The following TANC2 variants were observed in gnomAD, a reference collection of about 807,000 sequenced individuals.
The protein encoded by TANC2 is tetratricopeptide repeat, ankyrin repeat and coiled-coil containing 2.
A neutral mutation model predicts 210.5 loss-of-function variants in TANC2; 26 were observed. The observed-to-expected ratio is 0.12, with a 90% CI of 0.09 to 0.17. The LOEUF is 0.17. Among genes scored for constraint, TANC2 ranks in the 10% least tolerant of loss-of-function variants. TANC2 has a pLI of 1.00. For synonymous variants in TANC2, 931 were observed against 967.1 expected (o/e 0.96, Z 0.69); for missense variants, 2,129 against 2,608.9 (o/e 0.82, Z 4.01).
chr17:63,120,649 CA>C, intron 4 of TANC2: 1 of 151,474 alleles, frequency 6.6e-6, no homozygotes, highest in Non-Finnish European at 1.5e-5. Context: ...CCTGTCTTTA[CA>C]AAAAATACAA....
chr17:62,984,942 C>A (rs2032495283), intron 1 of TANC2, among the ~76,000 whole-genome samples: 1 of 152,102 alleles, frequency 6.6e-6, no homozygotes, highest in Non-Finnish European at 1.5e-5. Flanking sequence ...TTGGGTGAAA[C>A]ACTCTTAAGT....
chr17:63,426,987 A>G (rs1568016466), exon 28 of TANC2: 1 of 151,818 alleles, frequency 6.6e-6, no homozygotes, highest in Admixed American at 6.6e-5. Flanking sequence ...GGGGAAAAAA[A>G]AAGTTAAGAG....
At position 63,074,034 on chromosome 17, in the gene TANC2, A is replaced by T; in HGVS notation, c.139+20A>T. The T allele has an allele frequency of 1.0e-5, 16 of 1,545,824 alleles. No individual in the cohort carries two copies. Among genetic ancestry groups the T allele is most frequent in the Non-Finnish European group, 1.3e-5 (15 of 1,144,380 alleles). On this transcript the variant is annotated intron_variant, in intron 3 of 27. Coordinates refer to ENST00000689528, the Ensembl canonical transcript of TANC2. The stretch of plus-strand genomic sequence containing the variant: ...GGCAAGGTAAATTTTCATCAGATTG[A>T]TTATTAAATTTCAAAAAATAACGAT...
intron 4 of TANC2, among the ~76,000 whole-genome samples, chr17:63,099,940 TG>T (rs1170272431): frequency 6.6e-6 from 1 of 152,298 alleles, no homozygotes; most frequent in Non-Finnish European, 1.5e-5. Flanking sequence ...TGTGAAACTG[TG>T]GCTTTATTAA....
At chr17:63,410,344 C>T (rs887971564) in intron 21 of TANC2, among the ~76,000 whole-genome samples, 3 of 142,574 alleles carry the variant, frequency 2.1e-5, no homozygotes, top group Non-Finnish European at 4.5e-5. Context: ...CAATCCCCCC[C>T]CCCCATCTCC....
intron 11 of TANC2, among the ~76,000 whole-genome samples, chr17:63,323,039 T>C (rs767230085): frequency 1.6e-4 from 25 of 152,246 alleles, no homozygotes; most frequent in Non-Finnish European, 1.3e-4. Flanking sequence ...ATCCCAGTTA[T>C]TGTGCTACGT....
At chr17:63,274,795 G>A (rs965624421) in intron 9 of TANC2, among the ~76,000 whole-genome samples, 2 of 152,066 alleles carry the variant, frequency 1.3e-5, no homozygotes, top group Non-Finnish European at 2.9e-5. Flanking sequence ...TCCAGCCTGG[G>A]CAACAGTCTC....
intron 4 of TANC2, among the ~76,000 whole-genome samples, chr17:63,126,847 CCA>C (rs2038729019): frequency 6.6e-6 from 1 of 152,118 alleles, no homozygotes; most frequent in African/African-American, 2.4e-5. Context: ...TTTTACCTCC[CCA>C]CCCCCCACTG....
chr17:63,119,111 T>A (rs2038364906), intron 4 of TANC2, among the ~76,000 whole-genome samples: 2 of 152,052 alleles, frequency 1.3e-5, no homozygotes, highest in African/African-American at 4.8e-5. Flanking sequence ...AACATTTTTA[T>A]AGAGATGAAG....
rs183542714 is a variant in TANC2, at chr17:63,426,736, G to A, written c.*4781G>A. 1.7e-3 allele frequency: 258 copies of A among 152,388 alleles called. 2 individuals are homozygous for A. Among genetic ancestry groups the A allele is most frequent in the Non-Finnish European group, 1.1e-3 (74 of 68,042 alleles). The allele number at this position is 152,388 out of a possible 1,614,324, so 9.4% of individuals were successfully genotyped here. Reference sequence around the variant, plus strand: ...TTGCCAGGCTGCCGCTGGACGCGTAGAGATCAGGCCAGCGCCGCGCTCATT... The same window carrying A: ...TTGCCAGGCTGCCGCTGGACGCGTAAAGATCAGGCCAGCGCCGCGCTCATT... On this transcript the variant is annotated 3_prime_UTR_variant, in exon 28 of 28. Coordinates refer to ENST00000689528, the Ensembl canonical transcript of TANC2.
intron 2 of TANC2, among the ~76,000 whole-genome samples, chr17:63,056,523 T>A (rs1176577247): frequency 6.6e-6 from 1 of 151,920 alleles, no homozygotes; most frequent in East Asian, 1.9e-4. Flanking sequence ...ACCAAAAAAA[T>A]TTTTAATTAG....
intron 8 of TANC2, among the ~76,000 whole-genome samples, 163 bp from the exon 9 acceptor site, chr17:63,267,585 A>AT (rs1248041957): frequency 5.3e-5 from 8 of 152,248 alleles, no homozygotes; most frequent in African/African-American, 1.9e-4. Context: ...ACTTATTTGG[A>AT]TTTTTAAAGG....
rs1400955375 is a variant in TANC2, at chr17:63,228,516, T to C, written c.770-9298T>C. ...ATGGGTTTGAATCTATAAATTACTT[T>C]GGGCAGTATGGCTATTTTCACAATG... On this transcript the variant is annotated intron_variant, in intron 7 of 27. Coordinates refer to ENST00000689528, the Ensembl canonical transcript of TANC2. Among the ~76,000 whole-genome samples, 4 of 152,336 alleles carry C rather than the reference T, an allele frequency of 2.6e-5. No homozygotes were observed. The East Asian group carries it at 7.7e-4, about 29-fold the overall frequency.
At chr17:63,295,052 G>A (rs769916710) in intron 9 of TANC2, among the ~76,000 whole-genome samples, 3 of 152,096 alleles carry the variant, frequency 2.0e-5, no homozygotes, top group Non-Finnish European at 4.4e-5. Flanking sequence ...CCGTAATGCA[G>A]GCCAACAGTG....
At chr17:62,979,892 A>C (rs1568292068) in intron 1 of TANC2, among the ~76,000 whole-genome samples, 1 of 152,210 alleles carries the variant, frequency 6.6e-6, no homozygotes, top group Non-Finnish European at 1.5e-5. Flanking sequence ...CAGCATGGGC[A>C]ACAGAGTGAG....
At chr17:63,065,986 A>C (rs542868410) in intron 2 of TANC2, among the ~76,000 whole-genome samples, 3 of 152,054 alleles carry the variant, frequency 2.0e-5, no homozygotes, top group Admixed American at 1.3e-4. Flanking sequence ...ATCATGGCTC[A>C]CTGCAGTCTT....
chr17:63,024,929 A>G (rs1490080374), intron 2 of TANC2, among the ~76,000 whole-genome samples: 1 of 152,190 alleles, frequency 6.6e-6, no homozygotes, highest in Non-Finnish European at 1.5e-5. Flanking sequence ...TTAAGTTGCT[A>G]AGGATTATAC....
At chr17:63,238,261 G>T (rs906713969) in intron 8 of TANC2, among the ~76,000 whole-genome samples, 184 bp downstream of exon 8, 7 of 151,978 alleles carry the variant, frequency 4.6e-5, no homozygotes, top group African/African-American at 1.5e-4. Context: ...CTGGGAGAAG[G>T]TTCATCTTCC....
intron 11 of TANC2, among the ~76,000 whole-genome samples, chr17:63,335,866 A>C (rs2046009541): frequency 6.6e-6 from 1 of 152,152 alleles, no homozygotes; most frequent in African/African-American, 2.4e-5. Flanking sequence ...AAGCTGGATG[A>C]GGGATAAATA....
Sources: gnomAD v4.1 joint callset for allele counts (sites outside exome capture counted in the v4.1 genomes callset) on GRCh38, gnomAD v4.1.1 for gene constraint, MANE v1.5 for transcripts, NCBI Gene and HGNC (gene_info 2026-07-23, HGNC 2026-07-21) for gene names.